The following INPP5A variants were observed in gnomAD, a reference collection of about 807,000 sequenced individuals.
INPP5A encodes 43 kDa inositol polyphosphate 5-phophatase.
In INPP5A, 14 loss-of-function variants were observed where a neutral mutation model predicts 65.2. The observed-to-expected ratio is 0.21, with a 90% CI of 0.14 to 0.34. The LOEUF is 0.34. Among genes scored for constraint, INPP5A ranks in the 10% least tolerant of loss-of-function variants. INPP5A has a pLI of 1.00. For synonymous variants in INPP5A, 207 were observed against 208.3 expected (o/e 0.99, Z 0.05); for missense variants, 431 against 545.6 (o/e 0.79, Z 2.09).
chr10:132,646,486 G>A (rs901732748), intron 3 of INPP5A, among the ~76,000 whole-genome samples: 1 of 152,278 alleles, frequency 6.6e-6, no homozygotes, highest in East Asian at 1.9e-4. Context: ...CCCGGACCTG[G>A]GGCATCCAGG....
At position 132,538,383 on chromosome 10, in the gene INPP5A, A is replaced by G. The variant is rs949730219; in HGVS notation, c.75+212A>G. Among the ~76,000 whole-genome samples, 1 of 151,958 alleles carries G rather than the reference A, an allele frequency of 6.6e-6. No homozygotes were observed. The highest frequency in any genetic ancestry group is 2.4e-5 in the African/African-American group (1 of 41,358). On this transcript the variant is annotated intron_variant, in intron 1 of 15. Transcript: ENST00000368594. This position sits in a 1 kb window ranked among gnomAD's most constrained non-coding sequence, Gnocchi z 4.1. ...TCTTGATCCCCAAGCCCGAGACCTG[A>G]AGACCTGGGCCCTGAATCCCCGAAC...
In INPP5A at chr10:132,651,378, C is replaced by T. The variant is rs564288582; in HGVS notation, c.306+873C>T. 4.3e-5 allele frequency among the ~76,000 whole-genome samples: 6 copies of T among 140,902 alleles called. No homozygotes were observed. In the East Asian group the frequency reaches 1.1e-3, roughly 25 times the overall value. 92.4% of individuals were successfully genotyped at this position (140,902 alleles called of 152,430 possible). On this transcript the variant is annotated intron_variant, in intron 4 of 15. Transcript: ENST00000368594. This position sits in a 1 kb window ranked among gnomAD's most constrained non-coding sequence, Gnocchi z 5.0. ...GGCCCTGGGTCCCCCGGCCTGGGTCCATCTCCCCCGTCTCTGGGGAGGCCC... is the reference window on the plus strand; with the variant it reads ...GGCCCTGGGTCCCCCGGCCTGGGTCTATCTCCCCCGTCTCTGGGGAGGCCC...
rs796469034 is a variant in INPP5A, at chr10:132,588,012, C to CAAAAAAAAAAA, written c.76-19892_76-19882dup. On this transcript the variant is annotated intron_variant, in intron 1 of 15. Transcript: ENST00000368594. Reference sequence around the variant, plus strand: ...GGGCAACAAGAGTAAAACTCCATCTCAAAAAAAAAAAAAAAAAAAAAGGAT... The same window carrying CAAAAAAAAAAA: ...GGGCAACAAGAGTAAAACTCCATCTCAAAAAAAAAAAAAAAAAAAAAAAAAAAAAAAAGGAT... Among the ~76,000 whole-genome samples the CAAAAAAAAAAA allele has an allele frequency of 3.9e-3, 220 of 55,874 alleles. 9 individuals carry two copies. The highest frequency in any genetic ancestry group is 5.5e-3 in the South Asian group (8 of 1,442). The allele number at this position is 55,874 out of a possible 152,430, so 36.7% of individuals were successfully genotyped here.
chr10:132,774,881 AGGCAGGGAG>A (rs71013561), intron 12 of INPP5A, among the ~76,000 whole-genome samples: 37 of 9,444 alleles, frequency 3.9e-3, no homozygotes, highest in African/African-American at 6.7e-3. Flanking sequence ...CAGGGAGGAG[AGGCAGGGAG>A]GAGGGGCAGG....
intron 13 of INPP5A, among the ~76,000 whole-genome samples, chr10:132,778,620 C>A (rs183695074): frequency 2.5e-4 from 38 of 152,288 alleles, no homozygotes; most frequent in South Asian, 6.2e-4. Flanking sequence ...GTGCCCAACA[C>A]CCAGAGCCGG....
At chr10:132,673,908 CA>C (rs1438700696) in intron 4 of INPP5A, among the ~76,000 whole-genome samples, 1 of 152,242 alleles carries the variant, frequency 6.6e-6, no homozygotes, top group Non-Finnish European at 1.5e-5. Flanking sequence ...GCAAATTGGG[CA>C]CTCAGCAGTG....
intron 4 of INPP5A, among the ~76,000 whole-genome samples, chr10:132,684,496 G>T (rs894877099): frequency 3.3e-5 from 5 of 152,240 alleles, no homozygotes; most frequent in Admixed American, 3.3e-4. Flanking sequence ...GTGTGTGTGT[G>T]CAGGAGTTTC....
intron 1 of INPP5A, among the ~76,000 whole-genome samples, chr10:132,595,890 TGA>T (rs1466529696): frequency 2.1e-5 from 3 of 140,022 alleles, no homozygotes; most frequent in Non-Finnish European, 3.2e-5. Flanking sequence ...TTGAAAGTAA[TGA>T]GTTTTTTTTT....
intron 8 of INPP5A, among the ~76,000 whole-genome samples, chr10:132,725,035 G>A (rs1165479296): frequency 6.6e-6 from 1 of 151,938 alleles, no homozygotes; most frequent in Non-Finnish European, 1.5e-5. Context: ...CAGGCCAGCA[G>A]GAGCACACGC....
At position 132,547,133 on chromosome 10, in the gene INPP5A, T is replaced by A. The variant is rs1257176240; in HGVS notation, c.75+8962T>A. On this transcript the variant is annotated intron_variant, in intron 1 of 15. Coordinates refer to ENST00000368594, the MANE Select transcript of INPP5A (RefSeq NM_005539.5). The surrounding 1 kb of genome is among the most constrained non-coding windows in gnomAD (Gnocchi z 5.5). ...AGGCCACAGTCCAGGTTCACGTGGATGCGGGGCAGGCCCCACCTCTCCTCG... is the reference window on the plus strand; with the variant it reads ...AGGCCACAGTCCAGGTTCACGTGGAAGCGGGGCAGGCCCCACCTCTCCTCG... Among the ~76,000 whole-genome samples the A allele has an allele frequency of 6.6e-6, 1 of 152,228 alleles. No homozygotes were observed. Among genetic ancestry groups the A allele is most frequent in the Non-Finnish European group, 1.5e-5 (1 of 68,032 alleles).
chr10:132,570,075 C>G (rs1461794962), intron 1 of INPP5A, among the ~76,000 whole-genome samples: 1 of 151,176 alleles, frequency 6.6e-6, no homozygotes, highest in Non-Finnish European at 1.5e-5. Flanking sequence ...GCTGAGATTA[C>G]AGGCGTGAGC....
intron 9 of INPP5A, among the ~76,000 whole-genome samples, chr10:132,742,679 C>T (rs777464967): frequency 5.3e-5 from 8 of 152,186 alleles, no homozygotes; most frequent in South Asian, 4.1e-4. Context: ...AAGTGCCTCC[C>T]GATGAGTTCG....
chr10:132,700,249 C>G (rs974777918), intron 6 of INPP5A, among the ~76,000 whole-genome samples: 3 of 152,250 alleles, frequency 2.0e-5, no homozygotes, highest in East Asian at 1.9e-4. Flanking sequence ...ACCCGTCTCT[C>G]CCCTGGGAAA....
At chr10:132,640,040 G>A (rs143311535) in intron 2 of INPP5A, among the ~76,000 whole-genome samples, 8 of 152,272 alleles carry the variant, frequency 5.3e-5, no homozygotes, top group African/African-American at 9.6e-5. Context: ...TGCTGTGTCC[G>A]GCATTGGTGT....
intron 1 of INPP5A, among the ~76,000 whole-genome samples, chr10:132,543,498 C>A (rs1453579948): frequency 1.3e-5 from 2 of 152,236 alleles, no homozygotes; most frequent in African/African-American, 4.8e-5. Flanking sequence ...CTCACTGTAG[C>A]CTTGACCTCC....
At chr10:132,544,701 A>ATT (rs879602319) in intron 1 of INPP5A, among the ~76,000 whole-genome samples, 62 of 151,802 alleles carry the variant, frequency 4.1e-4, no homozygotes, top group Non-Finnish European at 8.2e-4. Flanking sequence ...AGACTTTTGG[A>ATT]ATAAGCCTGG....
rs1316450207 is a variant in INPP5A at position 132,603,138 on chromosome 10, C to T, written c.76-4777C>T. ...GAAATGCCTCAATCTCTCCTGCTGA[C>T]GTCTCTGCCTTCCGAAGCTACAAAG... On this transcript the variant is annotated intron_variant, in intron 1 of 15. Coordinates refer to ENST00000368594, the MANE Select transcript of INPP5A (RefSeq NM_005539.5). This position sits in a 1 kb window ranked among gnomAD's most constrained non-coding sequence, Gnocchi z 4.2. Among the ~76,000 whole-genome samples the T allele has an allele frequency of 3.3e-5, 5 of 152,308 alleles. No homozygotes were observed. The highest frequency in any genetic ancestry group is 1.9e-4 in the East Asian group (1 of 5,194).
chr10:132,776,237 A>T (rs1847060864), intron 12 of INPP5A, among the ~76,000 whole-genome samples: 1 of 152,170 alleles, frequency 6.6e-6, no homozygotes, highest in African/African-American at 2.4e-5. Flanking sequence ...CTGCGTAGCT[A>T]CGTTTTTAAC....
chr10:132,695,391 C>T (rs1845330020), intron 5 of INPP5A, among the ~76,000 whole-genome samples: 1 of 152,098 alleles, frequency 6.6e-6, no homozygotes, highest in Non-Finnish European at 1.5e-5. Flanking sequence ...ACAATGAATA[C>T]CACACTTAAT....
Sources: allele counts gnomAD v4.1 joint callset (sites outside exome capture counted in the v4.1 genomes callset), GRCh38; gene constraint gnomAD v4.1.1; non-coding constraint Gnocchi (gnomAD v3.1); transcripts MANE v1.5; gene names NCBI Gene and HGNC (gene_info 2026-07-23, HGNC 2026-07-21).